The following TOX2 variants were observed in gnomAD, a reference collection of about 807,000 sequenced individuals.
TOX2 encodes the protein TOX high mobility group box family member 2, also known as granulosa cell HMG box 1.
Under a neutral mutation model 47.4 loss-of-function variants are expected in TOX2, and 15 were observed. The ratio of observed to expected loss-of-function variants is 0.32; its 90% CI spans 0.21 to 0.49. The LOEUF (loss-of-function observed/expected upper bound fraction) is 0.49, where lower values mean the gene tolerates loss of function less well. TOX2 is among the 20% of genes least tolerant of loss of function. TOX2 has a pLI of 0.99. For missense variants in TOX2, 622 were observed against 673.1 expected (o/e 0.92, Z 0.84); for synonymous variants, 290 against 296.6 (o/e 0.98, Z 0.23).
intron 3 of TOX2, among the ~76,000 whole-genome samples, chr20:44,010,047 T>C (rs2070754708): frequency 6.6e-6 from 1 of 152,240 alleles, no homozygotes; most frequent in African/African-American, 2.4e-5. Context: ...ATGTAAAGTC[T>C]TAGCAAATGT....
In TOX2 at chr20:44,069,318, AC is replaced by A. The variant is rs1293180255; in HGVS notation, c.*634del. ...AGACGCGCACAAAAGCGGCTGCCAA[AC>A]CGTTTCGTCATCCTCACAGCAAGGA... On this transcript the variant is annotated 3_prime_UTR_variant, in exon 9 of 9. Coordinates refer to ENST00000341197, the MANE Select transcript of TOX2 (RefSeq NM_001098797.2). 1.1e-5 allele frequency: 2 copies of A among 175,804 alleles called. No individual in the cohort carries two copies. The highest frequency in any genetic ancestry group is 2.5e-5 in the Non-Finnish European group (2 of 81,370). 10.9% of individuals were successfully genotyped at this position (175,804 alleles called of 1,614,324 possible).
chr20:43,941,035 C>T (rs533339914), intron 1 of TOX2, among the ~76,000 whole-genome samples: 4 of 152,266 alleles, frequency 2.6e-5, no homozygotes, highest in African/African-American at 9.6e-5. Flanking sequence ...AATTACTGCT[C>T]ATGAGAGGTT....
chr20:43,966,753 CAA>C (rs11483515), intron 1 of TOX2, among the ~76,000 whole-genome samples: 46 of 91,038 alleles, frequency 5.1e-4, no homozygotes, highest in African/African-American at 8.6e-4. Flanking sequence ...AACTCTGTCT[CAA>C]AAAAAAAAAA....
intron 2 of TOX2, among the ~76,000 whole-genome samples, chr20:43,992,541 G>C (rs1417509421): frequency 6.6e-6 from 1 of 152,100 alleles, no homozygotes; most frequent in Admixed American, 6.5e-5. Context: ...CGTAAGGAAG[G>C]ATCATAGCCT....
intron 3 of TOX2, among the ~76,000 whole-genome samples, chr20:44,041,858 G>A (rs1325392894): frequency 6.6e-6 from 1 of 152,130 alleles, no homozygotes; most frequent in Non-Finnish European, 1.5e-5. Context: ...CTGGACAATT[G>A]TACAAAATCC....
intron 1 of TOX2, among the ~76,000 whole-genome samples, chr20:43,928,472 T>C (rs2145310269): frequency 6.6e-6 from 1 of 152,332 alleles, no homozygotes; most frequent in African/African-American, 2.4e-5. Flanking sequence ...TATTGCTGCT[T>C]TGGACGGAGC....
chr20:43,984,120 G>T (rs926012651), intron 2 of TOX2, among the ~76,000 whole-genome samples: 8 of 152,138 alleles, frequency 5.3e-5, no homozygotes, highest in Admixed American at 2.0e-4. Context: ...GGTAACAGCG[G>T]TGATTACTGC....
Position 44,063,157 on chromosome 20 carries a change from T to G in TOX2, c.880-1620T>G, listed in dbSNP as rs1054636160. Among the ~76,000 whole-genome samples, 7 of 151,990 alleles carry G rather than the reference T, an allele frequency of 4.6e-5. No individual in the cohort carries two copies. In the South Asian group the frequency reaches 6.2e-4, roughly 14 times the overall value. On this transcript the variant is annotated intron_variant, in intron 5 of 8. Coordinates refer to ENST00000341197, the MANE Select transcript of TOX2 (RefSeq NM_001098797.2). ...GTAAATAGATGGGACTTAATTAAACTAAAAAGCTGCACAGCAAAAGAACCA... is the reference window on the plus strand; with the variant it reads ...GTAAATAGATGGGACTTAATTAAACGAAAAAGCTGCACAGCAAAAGAACCA...
intron 1 of TOX2, chr20:43,946,052 G>T (rs1380560719): frequency 1.2e-6 from 2 of 1,613,018 alleles, no homozygotes; most frequent in Admixed American, 3.3e-5. Context: ...AGCAGCGGGT[G>T]CCCACCGCCC....
At chr20:43,970,313 T>C (rs944555547) in intron 1 of TOX2, among the ~76,000 whole-genome samples, 1 of 152,250 alleles carries the variant, frequency 6.6e-6, no homozygotes, top group African/African-American at 2.4e-5. Flanking sequence ...TGAGGTCTTT[T>C]ATGTAAAGCA....
chr20:44,068,872 GC>G lies in TOX2; in HGVS notation c.*189del. ...CCAGACTCTGCAGAGGCAGCCCACT[GC>G]CCACCACCAGCCCAAAGAACCTGCA... On this transcript the variant is annotated 3_prime_UTR_variant, in exon 9 of 9. Transcript: ENST00000341197. 1.2e-6 allele frequency: 1 copy of G among 810,820 alleles called. No individual in the cohort carries two copies. The allele number at this position is 810,820 out of a possible 1,614,324, so 50.2% of individuals were successfully genotyped here. A position where few individuals can be genotyped will look rare whatever the true frequency, so the allele number is the denominator to read the frequency against.
intron 1 of TOX2, among the ~76,000 whole-genome samples, chr20:43,925,218 G>A (rs1479732328): frequency 6.6e-6 from 1 of 152,064 alleles, no homozygotes; most frequent in Non-Finnish European, 1.5e-5. Context: ...ACAAATGCCT[G>A]GTGATTCTCG....
At chr20:43,999,950 C>T (rs1244552116) in intron 2 of TOX2, among the ~76,000 whole-genome samples, 1 of 152,170 alleles carries the variant, frequency 6.6e-6, no homozygotes, top group Admixed American at 6.5e-5. Flanking sequence ...GGTGTCAAGA[C>T]CATTCAGTGG....
At chr20:43,924,774 T>A (rs2069146817) in intron 1 of TOX2, among the ~76,000 whole-genome samples, 1 of 152,224 alleles carries the variant, frequency 6.6e-6, no homozygotes, top group Admixed American at 6.5e-5. Flanking sequence ...CACTGTTTTA[T>A]TTTTTAAAAA....
chr20:44,045,796 A>C (rs191590174), intron 3 of TOX2, among the ~76,000 whole-genome samples: 127 of 152,356 alleles, frequency 8.3e-4, no homozygotes, highest in African/African-American at 2.8e-3. Flanking sequence ...AGTTGGTAAA[A>C]ATATTAAATC....
At chr20:44,039,625 T>C (rs1463158038) in intron 3 of TOX2, among the ~76,000 whole-genome samples, 1 of 151,978 alleles carries the variant, frequency 6.6e-6, no homozygotes, top group African/African-American at 2.4e-5. Context: ...GCAAGTGAGA[T>C]TGAAAGGAAA....
intron 3 of TOX2, among the ~76,000 whole-genome samples, chr20:44,045,163 T>C (rs112868631): frequency 1.3e-5 from 2 of 152,092 alleles, no homozygotes; most frequent in Non-Finnish European, 2.9e-5. Context: ...TTTTGCAAAA[T>C]GGAAAGAATT....
chr20:43,936,792 C>G (rs1440788431), intron 1 of TOX2, among the ~76,000 whole-genome samples: 1 of 152,146 alleles, frequency 6.6e-6, no homozygotes. Flanking sequence ...ATGGCCAAGC[C>G]CATATTCAAA....
At chr20:44,066,349 C>T (rs1481019386) in intron 7 of TOX2, among the ~76,000 whole-genome samples, 1 of 152,178 alleles carries the variant, frequency 6.6e-6, no homozygotes, top group African/African-American at 2.4e-5. Context: ...CCAGTCCCCC[C>T]TTCCTGCATC....
Sources: allele counts gnomAD v4.1 joint callset (sites outside exome capture counted in the v4.1 genomes callset), GRCh38; gene constraint gnomAD v4.1.1; transcripts MANE v1.5; gene names NCBI Gene and HGNC (gene_info 2026-07-23, HGNC 2026-07-21).